TXNDC11: variants seen among roughly 807,000 people sequenced by gnomAD.
TXNDC11 encodes thioredoxin domain-containing protein 11.
A neutral mutation model predicts 78.0 loss-of-function variants in TXNDC11; 68 were observed. That is an observed-to-expected ratio of 0.87 (90% CI 0.72 to 1.07). TXNDC11 has a LOEUF of 1.07. Ranked by LOEUF, TXNDC11 falls within the 50% of genes least tolerant of loss-of-function variation. TXNDC11 has a pLI of 0.00. For missense variants in TXNDC11, 1,389 were observed against 1,221.8 expected (o/e 1.14, Z -2.04); for synonymous variants, 571 against 495.2 (o/e 1.15, Z -2.03).
chr16:11,710,253 T>C (rs1479555391), intron 5 of TXNDC11, among the ~76,000 whole-genome samples: 1 of 151,968 alleles, frequency 6.6e-6, no homozygotes, highest in Non-Finnish European at 1.5e-5. Flanking sequence ...AAACTAAATA[T>C]ATCCACTGAG....
chr16:11,693,087 A>T (rs1026969856), intron 7 of TXNDC11, among the ~76,000 whole-genome samples: 1 of 152,160 alleles, frequency 6.6e-6, no homozygotes, highest in African/African-American at 2.4e-5. Context: ...AGAACCTCAC[A>T]GGCAGAAGCC....
chr16:11,721,276 T>TA, intron 5 of TXNDC11: 1 of 213,962 alleles, frequency 4.7e-6, no homozygotes, highest in Non-Finnish European at 9.6e-6. Context: ...CCATATCTAC[T>TA]AAAAATACAA....
rs191407732 is a variant in TXNDC11, at chr16:11,723,391, C to T, written c.700-1721G>A. On this transcript the variant is annotated intron_variant, in intron 4 of 11. Coordinates refer to ENST00000283033, the MANE Select transcript of TXNDC11 (RefSeq NM_015914.7). ...CTTGAGGTCGGGAGTTCAAGACCAGCCTGGCCGATATGGTGGAACCCTGTC... is the reference window on the plus strand; with the variant it reads ...CTTGAGGTCGGGAGTTCAAGACCAGTCTGGCCGATATGGTGGAACCCTGTC... Among the ~76,000 whole-genome samples, 9 of 152,230 alleles carry T rather than the reference C, an allele frequency of 5.9e-5. No individual in the cohort carries two copies. In the East Asian group the frequency reaches 1.7e-3, roughly 29 times the overall value.
At chr16:11,739,459 A>T (rs2052328742) in intron 1 of TXNDC11, among the ~76,000 whole-genome samples, 1 of 152,110 alleles carries the variant, frequency 6.6e-6, no homozygotes, top group African/African-American at 2.4e-5. Flanking sequence ...TGAGCCCAGC[A>T]GTTTGAGGCT....
chr16:11,724,857 T>C (rs932744841), intron 4 of TXNDC11, among the ~76,000 whole-genome samples: 1 of 152,202 alleles, frequency 6.6e-6, no homozygotes, highest in African/African-American at 2.4e-5. Flanking sequence ...GCAATTCTCC[T>C]GCCTCAGCCT....
chr16:11,679,505 CTG>C lies in TXNDC11; in HGVS notation c.2565_2566del (p.His855GlnfsTer2). ...CTCATAGAGGGCCTGCAGCTGCTCA[CTG>C]TGTGCGTGGAGCAGGCTGTGCTGCT... On this transcript the variant is annotated frameshift_variant, in exon 12 of 12. Coordinates refer to ENST00000283033, the MANE Select transcript of TXNDC11 (RefSeq NM_015914.7). LOFTEE classifies it low-confidence loss of function (END_TRUNC). The surrounding 1 kb of genome is among the most constrained non-coding windows in gnomAD (Gnocchi z 4.6). 4 of 1,613,498 alleles carry C rather than the reference CTG, an allele frequency of 2.5e-6. No homozygotes were observed. Among genetic ancestry groups the C allele is most frequent in the Non-Finnish European group, 3.4e-6 (4 of 1,180,034 alleles).
chr16:11,704,858 AAAT>A (rs1389369103), intron 5 of TXNDC11, among the ~76,000 whole-genome samples: 1 of 152,192 alleles, frequency 6.6e-6, no homozygotes, highest in African/African-American at 2.4e-5. Flanking sequence ...GAGACAATTC[AAAT>A]GAGGTCTGCA....
At chr16:11,722,602 A>G (rs969793160) in intron 4 of TXNDC11, among the ~76,000 whole-genome samples, 6 of 152,196 alleles carry the variant, frequency 3.9e-5, no homozygotes, top group African/African-American at 1.4e-4. Flanking sequence ...AGAACCCTTC[A>G]ATATGAAACC....
chr16:11,733,614 T>G (rs1190598056), intron 3 of TXNDC11, among the ~76,000 whole-genome samples: 1 of 152,260 alleles, frequency 6.6e-6, no homozygotes, highest in Non-Finnish European at 1.5e-5. Context: ...CACTCTGGAC[T>G]CTGCTATGCC....
At position 11,736,029 on chromosome 16, in the gene TXNDC11, C is replaced by T; in HGVS notation, c.459G>A (p.Arg153=). ...ARAEIEQAAS[R]LSDQVLFVAI... The stretch of plus-strand genomic sequence containing the variant: ...ATGTGAGCATTACCTGATCTGAAAG[C>T]CGACTTGCTGCTTGCTCAATTTCTG... Residue 153 remains arginine (R), a synonymous_variant, in exon 2 of 12, where the codon CGG becomes CGA. Transcript: ENST00000283033. 1 of 1,613,884 alleles carries T rather than the reference C, an allele frequency of 6.2e-7. No homozygotes were observed. The highest frequency in any genetic ancestry group is 8.5e-7 in the Non-Finnish European group (1 of 1,180,008).
At chr16:11,739,396 T>C (rs764194686) in intron 1 of TXNDC11, among the ~76,000 whole-genome samples, 21 of 152,332 alleles carry the variant, frequency 1.4e-4, no homozygotes, top group African/African-American at 4.6e-4. Flanking sequence ...GCCAGTAGCA[T>C]GTGCCTATAG....
chr16:11,692,052 AGTT>A lies in TXNDC11; in HGVS notation c.1135_1137del (p.Asn379del), dbSNP rs1255523241. The A allele has an allele frequency of 9.1e-6, 14 of 1,536,748 alleles. No individual in the cohort carries two copies. The highest frequency in any genetic ancestry group is 1.2e-5 in the Non-Finnish European group (14 of 1,142,902). ...CGCTCCACCACCTGGTCCCCATGAC[AGTT>A]GTTGTACTCCAAGGCCACTTCGGTG... On this transcript the variant is annotated inframe_deletion, in exon 8 of 12. Coordinates refer to ENST00000283033, the MANE Select transcript of TXNDC11 (RefSeq NM_015914.7).
chr16:11,712,433 C>T (rs539440734), intron 5 of TXNDC11, among the ~76,000 whole-genome samples: 1 of 152,324 alleles, frequency 6.6e-6, no homozygotes, highest in South Asian at 2.1e-4. Flanking sequence ...AAGGCTGTCA[C>T]AGACCCATCA....
rs191687508 is a variant in TXNDC11, at chr16:11,737,400, G to A, written c.255-1167C>T. Among the ~76,000 whole-genome samples the A allele has an allele frequency of 7.4e-3, 1,117 of 150,568 alleles. 11 individuals are homozygous for A. The highest frequency in any genetic ancestry group is 0.01 in the Middle Eastern group (3 of 290). Reference sequence around the variant, plus strand: ...GCGGAGGTTGCAGTGAGCCGAGATTGCACCATTGCACTCCAGCCTAGGTGA... The same window carrying A: ...GCGGAGGTTGCAGTGAGCCGAGATTACACCATTGCACTCCAGCCTAGGTGA... On this transcript the variant is annotated intron_variant, in intron 1 of 11. Transcript: ENST00000283033.
At chr16:11,721,542 G>C in intron 5 of TXNDC11, 35 bp downstream of exon 5, 1 of 1,180,846 alleles carries the variant, frequency 8.5e-7, no homozygotes, top group Middle Eastern at 2.0e-4. Flanking sequence ...CAATTCTACT[G>C]AAGTAACAAT....
In TXNDC11 at chr16:11,679,915, C is replaced by T; in HGVS notation, c.2235-78G>A. 1 of 1,263,664 alleles carries T rather than the reference C, an allele frequency of 7.9e-7. No individual in the cohort carries two copies. Among genetic ancestry groups the T allele is most frequent in the Non-Finnish European group, 1.1e-6 (1 of 900,612 alleles). The allele number at this position is 1,263,664 out of a possible 1,614,324, so 78.3% of individuals were successfully genotyped here. On this transcript the variant is annotated intron_variant, in intron 11 of 11. Transcript: ENST00000283033. The surrounding 1 kb of genome is among the most constrained non-coding windows in gnomAD (Gnocchi z 4.6). ...TCCAAAAGCAGGCTGTACCTGAGGC[C>T]AGGCCATCTACTTCTCACCAAGAAA...
intron 8 of TXNDC11, among the ~76,000 whole-genome samples, chr16:11,690,563 T>A (rs890572719): frequency 7.9e-5 from 12 of 152,250 alleles, no homozygotes; most frequent in African/African-American, 2.9e-4. Context: ...CACTGCTCTC[T>A]TTTTTTGGAG....
intron 5 of TXNDC11, among the ~76,000 whole-genome samples, chr16:11,710,961 G>T (rs2051333007): frequency 6.6e-6 from 1 of 151,470 alleles, no homozygotes; most frequent in African/African-American, 2.4e-5. Context: ...ATGGCCTATT[G>T]TCTATTAGTG....
chr16:11,690,728 T>TG (rs1340063275), intron 8 of TXNDC11: 1 of 152,270 alleles, frequency 6.6e-6, no homozygotes, highest in Non-Finnish European at 1.5e-5. Flanking sequence ...AATTTTTTTT[T>TG]TTTTTGTATT....
Sources: allele counts gnomAD v4.1 joint callset (sites outside exome capture counted in the v4.1 genomes callset), GRCh38; gene constraint gnomAD v4.1.1; non-coding constraint Gnocchi (gnomAD v3.1); transcripts MANE v1.5; gene names NCBI Gene and HGNC (gene_info 2026-07-23, HGNC 2026-07-21).